RRAS2: variants seen among roughly 807,000 people sequenced by gnomAD.
The protein encoded by RRAS2 is ras-related protein R-Ras2.
A neutral mutation model predicts 27.6 loss-of-function variants in RRAS2; 7 were observed. That is an observed-to-expected ratio of 0.25 (90% CI 0.14 to 0.48). The LOEUF (loss-of-function observed/expected upper bound fraction) is 0.48. RRAS2 is among the 20% of genes least tolerant of loss of function. The probability of loss-of-function intolerance (pLI) is 0.99; values close to 1 mark genes in which losing one functional copy is unlikely to be tolerated. For synonymous variants in RRAS2, 86 were observed against 90.9 expected, an observed-to-expected ratio of 0.95 and a Z score of 0.31; for missense variants, 178 against 256.2, an observed-to-expected ratio of 0.69 and a Z score of 2.08.
At chr11:14,316,290 T>C (rs1393633809) in intron 1 of RRAS2, among the ~76,000 whole-genome samples, 2 of 152,210 alleles carry the variant, frequency 1.3e-5, no homozygotes, top group Non-Finnish European at 2.9e-5. Flanking sequence ...AAACCAATGC[T>C]TTCTTGGTGA....
In RRAS2 at chr11:14,279,400, A is replaced by G. The variant is rs11023174; in HGVS notation, c.552T>C (p.Pro184=). Residue 184 remains proline, a synonymous_variant, in exon 6 of 6, where the codon CCT becomes CCC. Coordinates refer to ENST00000256196, the MANE Select transcript of RRAS2 (RefSeq NM_012250.6). The part of the protein sequence containing the change: ...VIRKFQEQEC[P]PSPEPTRKEK... ...CTTTCCGTGTTGGTTCTGGTGAAGG[A>G]GGACATTCCTGCTCTTGAAATTTCC... 692 of 1,612,326 alleles carry G rather than the reference A, an allele frequency of 4.3e-4. 5 individuals are homozygous for G. In the East Asian group the frequency reaches 0.013, roughly 30 times the overall value.
At chr11:14,330,945 A>G (rs1848469651) in intron 1 of RRAS2, among the ~76,000 whole-genome samples, 1 of 152,200 alleles carries the variant, frequency 6.6e-6, no homozygotes, top group Admixed American at 6.5e-5. Flanking sequence ...TTTTAGAGAC[A>G]GTTCACTGTT....
rs777347129 is a variant in RRAS2 at position 14,279,161 on chromosome 11, G to A, written c.*176C>T. On this transcript the variant is annotated 3_prime_UTR_variant, in exon 6 of 6. Coordinates refer to ENST00000256196, the MANE Select transcript of RRAS2 (RefSeq NM_012250.6). ...CAGCCTTAGTGTTTCCTTTAAATTTGTCTGGAAATGACCATTGTATTAGCT... is the reference window on the plus strand; with the variant it reads ...CAGCCTTAGTGTTTCCTTTAAATTTATCTGGAAATGACCATTGTATTAGCT... 5.7e-4 allele frequency: 330 copies of A among 580,478 alleles called. No individual in the cohort carries two copies. The highest frequency in any genetic ancestry group is 8.9e-4 in the Non-Finnish European group (288 of 322,876). The allele number at this position is 580,478 out of a possible 1,614,324, so 36.0% of individuals were successfully genotyped here.
intron 4 of RRAS2, among the ~76,000 whole-genome samples, chr11:14,285,618 T>C (rs1449458537): frequency 6.6e-6 from 1 of 152,228 alleles, no homozygotes; most frequent in Non-Finnish European, 1.5e-5. Flanking sequence ...GTAATGCAGA[T>C]CTGCTGCGGA....
chr11:14,328,997 GTGTGTGTGTGTGTGTA>G (rs1287314727), intron 1 of RRAS2, among the ~76,000 whole-genome samples: 8 of 54,328 alleles, frequency 1.5e-4, no homozygotes, highest in African/African-American at 3.9e-4. Flanking sequence ...GTGTGTGTGT[GTGTGTGTGTGTGTGTA>G]TATATATATA....
intron 1 of RRAS2, among the ~76,000 whole-genome samples, chr11:14,338,687 C>T (rs1314694741): frequency 2.0e-5 from 3 of 152,022 alleles, no homozygotes; most frequent in Non-Finnish European, 4.4e-5. Context: ...GACTCAATCC[C>T]GAAGTCAAAT....
intron 1 of RRAS2, among the ~76,000 whole-genome samples, chr11:14,315,321 A>AC (rs1374183578): frequency 3.9e-5 from 6 of 152,140 alleles, no homozygotes; most frequent in African/African-American, 1.4e-4. Flanking sequence ...ACGGTACTTC[A>AC]CCTCTGTGGT....
rs566782905 is a variant in RRAS2, at chr11:14,333,169, C to T, written c.108+25594G>A. 1.8e-4 allele frequency among the ~76,000 whole-genome samples: 28 copies of T among 152,120 alleles called. No individual in the cohort carries two copies. The South Asian group carries it at 5.6e-3, about 30-fold the overall frequency. ...CTTAAATAATTTTTATAAGCTACAC[C>T]GATCTGCTTTAAGTCCACTAGAAAA... is the stretch of plus-strand genomic sequence containing the variant. On this transcript the variant is annotated intron_variant, in intron 1 of 5. Transcript: ENST00000256196.
At chr11:14,364,374 G>C (rs1554956480) in intron 1 of RRAS2, 1 of 1,535,990 alleles carries the variant, frequency 6.5e-7, no homozygotes, top group South Asian at 1.2e-5. Flanking sequence ...CCCCAGATCA[G>C]AGCCTGCAAT....
chr11:14,341,916 T>C (rs1554953331), intron 1 of RRAS2: 1 of 444,912 alleles, frequency 2.2e-6, no homozygotes, highest in African/African-American at 2.0e-5. Context: ...GTAATCAATA[T>C]CCTGAATTTG....
At chr11:14,353,786 A>G (rs1266839973) in intron 1 of RRAS2, among the ~76,000 whole-genome samples, 4 of 152,206 alleles carry the variant, frequency 2.6e-5, no homozygotes, top group Admixed American at 1.3e-4. Flanking sequence ...GTCATCCTCT[A>G]TAAGAAAATG....
upstream of RRAS2, among the ~76,000 whole-genome samples, chr11:14,363,278 T>C (rs1554956332): frequency 1.3e-5 from 2 of 152,212 alleles, no homozygotes; most frequent in Non-Finnish European, 2.9e-5. Context: ...TTGCAAATCC[T>C]ACTATGACAA....
chr11:14,341,797 T>G, intron 1 of RRAS2: 1 of 454,774 alleles, frequency 2.2e-6, no homozygotes, highest in Non-Finnish European at 4.4e-6. Context: ...AAAATATAAA[T>G]ACGCATACTC....
At chr11:14,301,906 C>G (rs1554947449) in intron 1 of RRAS2, among the ~76,000 whole-genome samples, 1 of 152,096 alleles carries the variant, frequency 6.6e-6, no homozygotes, top group Non-Finnish European at 1.5e-5. Context: ...TCGCTTGAAC[C>G]CAGGTGGCAG....
At chr11:14,290,879 T>G (rs1018209189) in intron 4 of RRAS2, among the ~76,000 whole-genome samples, 2 of 152,200 alleles carry the variant, frequency 1.3e-5, no homozygotes, top group East Asian at 3.8e-4. Context: ...TAAAAGTTTA[T>G]GCTGTAGTTT....
chr11:14,282,981 T>C (rs1289514726), intron 4 of RRAS2, among the ~76,000 whole-genome samples: 2 of 152,226 alleles, frequency 1.3e-5, no homozygotes, highest in Non-Finnish European at 2.9e-5. Flanking sequence ...GTGACGGGAA[T>C]ACTCTTGACC....
chr11:14,357,402 T>C (rs1281252346), intron 1 of RRAS2, among the ~76,000 whole-genome samples: 1 of 151,858 alleles, frequency 6.6e-6, no homozygotes, highest in Non-Finnish European at 1.5e-5. Flanking sequence ...CCTAGGGAAA[T>C]AGCAACCTGA....
At chr11:14,323,044 T>C (rs1554950499) in intron 1 of RRAS2, among the ~76,000 whole-genome samples, 6 of 152,150 alleles carry the variant, frequency 3.9e-5, no homozygotes, top group Admixed American at 1.3e-4. Context: ...TAACTACAGC[T>C]AGAGGAGACA....
chr11:14,348,892 G>T (rs960007136), intron 1 of RRAS2, among the ~76,000 whole-genome samples: 11 of 152,206 alleles, frequency 7.2e-5, no homozygotes, highest in African/African-American at 1.9e-4. Flanking sequence ...TTAGCAGACA[G>T]AAGTGGAAAA....
Sources: gnomAD v4.1 joint callset for allele counts (sites outside exome capture counted in the v4.1 genomes callset) on GRCh38, gnomAD v4.1.1 for gene constraint, MANE v1.5 for transcripts, NCBI Gene and HGNC (gene_info 2026-07-23, HGNC 2026-07-21) for gene names.